CTNNA2: variants seen among roughly 807,000 people sequenced by gnomAD.
CTNNA2 encodes catenin alpha-2.
In CTNNA2, 42 loss-of-function variants were observed where a neutral mutation model predicts 101.0. That is an observed-to-expected ratio of 0.42 (90% confidence interval 0.32 to 0.54). The LOEUF (loss-of-function observed/expected upper bound fraction) is 0.54, where lower values mean the gene tolerates loss of function less well. Among genes scored for constraint, CTNNA2 ranks in the 20% least tolerant of loss-of-function variants. The pLI is 0.14. For missense variants in CTNNA2, 871 were observed against 1,223.1 expected, an observed-to-expected ratio of 0.71 and a Z score of 4.29; for synonymous variants, 450 against 456.4, an observed-to-expected ratio of 0.99 and a Z score of 0.18.
chr2:80,146,075 C>G (rs1036481510), intron 7 of CTNNA2, among the ~76,000 whole-genome samples: 1 of 152,138 alleles, frequency 6.6e-6, no homozygotes, highest in Admixed American at 6.5e-5. Context: ...CTTGGAATAT[C>G]ATTGCAATGC....
rs561168474 is a variant in CTNNA2, at chr2:80,128,497, A to G, written c.1056+218700A>G. On this transcript the variant is annotated intron_variant, in intron 7 of 18. Transcript: ENST00000402739. ...AATAACATCTGCCCCTCTGCCACGC[A>G]TGGGTGTTTTCAAAGCAACGTAAGT... Among the ~76,000 whole-genome samples, 5 of 152,264 alleles carry G rather than the reference A, an allele frequency of 3.3e-5. No homozygotes were observed. In the South Asian group the frequency reaches 1.0e-3, roughly 32 times the overall value.
At chr2:79,754,700 C>G (rs1056945761) in intron 3 of CTNNA2, among the ~76,000 whole-genome samples, 1 of 152,082 alleles carries the variant, frequency 6.6e-6, no homozygotes, top group African/African-American at 2.4e-5. Flanking sequence ...ACTTGAGTCT[C>G]CTAGGATATT....
chr2:80,337,212 G>A (rs538818352), intron 7 of CTNNA2, among the ~76,000 whole-genome samples: 3 of 151,948 alleles, frequency 2.0e-5, no homozygotes, highest in East Asian at 1.9e-4. Context: ...AACATTAGCC[G>A]GGTGTGGTGG....
At chr2:79,885,154 A>G (rs2104154065) in intron 6 of CTNNA2, among the ~76,000 whole-genome samples, 1 of 152,130 alleles carries the variant, frequency 6.6e-6, no homozygotes, top group African/African-American at 2.4e-5. Context: ...ACAACCCAAG[A>G]TTAGTATTTG....
Position 80,193,098 on chromosome 2 carries a change from T to C in CTNNA2, c.1057-200113T>C, listed in dbSNP as rs545020125. On this transcript the variant is annotated intron_variant, in intron 7 of 18. Coordinates refer to ENST00000402739, the MANE Select transcript of CTNNA2 (RefSeq NM_001282597.3). ...TTGTTTTGTTTATATGCTTTCATAT[T>C]CATAAAATGAGCAGATTTTTAAAAA... 2.6e-5 allele frequency among the ~76,000 whole-genome samples: 4 copies of C among 152,350 alleles called. No individual in the cohort carries two copies. The South Asian group carries it at 6.2e-4, about 24-fold the overall frequency.
At chr2:80,052,125 T>C (rs755904415) in intron 7 of CTNNA2, among the ~76,000 whole-genome samples, 2 of 152,198 alleles carry the variant, frequency 1.3e-5, no homozygotes, top group African/African-American at 2.4e-5. Context: ...GTTTGACTTG[T>C]TTGGGACTTT....
At chr2:79,728,452 T>C (rs1480416875) in intron 2 of CTNNA2, among the ~76,000 whole-genome samples, 1 of 152,194 alleles carries the variant, frequency 6.6e-6, no homozygotes, top group African/African-American at 2.4e-5. Context: ...TAAATTTGAG[T>C]TCATTGTAGA....
intron 12 of CTNNA2, among the ~76,000 whole-genome samples, chr2:80,567,017 G>A (rs1214205331): frequency 6.6e-6 from 1 of 152,112 alleles, no homozygotes; most frequent in Non-Finnish European, 1.5e-5. Context: ...TGAGATTCCA[G>A]CCATCCTCGT....
intron 1 of CTNNA2, among the ~76,000 whole-genome samples, chr2:79,523,016 T>C (rs1672203665): frequency 6.6e-6 from 1 of 152,192 alleles, no homozygotes. Context: ...CCCGTGAGTA[T>C]ATCTGAGTTA....
At chr2:79,753,067 GAT>G (rs1672152172) in intron 3 of CTNNA2, among the ~76,000 whole-genome samples, 1 of 152,168 alleles carries the variant, frequency 6.6e-6, no homozygotes, top group African/African-American at 2.4e-5. Context: ...ATGGATAGCT[GAT>G]ACTTGACCAC....
chr2:79,304,470 G>A lies in CTNNA2; in HGVS notation c.-405-8239G>A, dbSNP rs549814103. 7.3e-5 allele frequency among the ~76,000 whole-genome samples: 11 copies of A among 151,474 alleles called. No homozygotes were observed. The East Asian group carries it at 2.2e-3, about 30-fold the overall frequency. ...TTACATTAAGGGATTGAATTTCCAA[G>A]GCTCACCCAGGTGAGGCAGACTAAT... On this transcript the variant is annotated intron_variant, in intron 2 of 21. Coordinates refer to the CTNNA2 transcript ENST00000466387.
intron 2 of CTNNA2, among the ~76,000 whole-genome samples, chr2:79,214,841 T>C (rs957066870): frequency 6.6e-6 from 1 of 151,518 alleles, no homozygotes; most frequent in Non-Finnish European, 1.5e-5. Flanking sequence ...ATAAAAGTAT[T>C]GTCTAAGTTG....
At chr2:79,710,604 A>G (rs1384836193) in intron 2 of CTNNA2, among the ~76,000 whole-genome samples, 1 of 152,190 alleles carries the variant, frequency 6.6e-6, no homozygotes, top group East Asian at 1.9e-4. Context: ...TATTACCTCA[A>G]TTCTTTTTAA....
chr2:80,327,150 A>G (rs1037974720), intron 7 of CTNNA2, among the ~76,000 whole-genome samples: 3 of 152,244 alleles, frequency 2.0e-5, no homozygotes, highest in African/African-American at 7.2e-5. Flanking sequence ...GGCAGCTGTA[A>G]GAAATCAACA....
chr2:80,611,006 G>GT (rs3836002), intron 17 of CTNNA2, among the ~76,000 whole-genome samples: 240 of 146,580 alleles, frequency 1.6e-3, no homozygotes, highest in East Asian at 3.0e-3. Context: ...TGGCAATTAG[G>GT]TTTTTTTTTT....
intron 2 of CTNNA2, among the ~76,000 whole-genome samples, chr2:79,689,113 G>C (rs1684123027): frequency 6.6e-6 from 1 of 151,610 alleles, no homozygotes; most frequent in South Asian, 2.1e-4. Flanking sequence ...TGTTCATCTA[G>C]TATCTCCAAA....
chr2:79,998,722 TTG>T (rs1275709203), intron 7 of CTNNA2, among the ~76,000 whole-genome samples: 1 of 152,218 alleles, frequency 6.6e-6, no homozygotes, highest in Non-Finnish European at 1.5e-5. Context: ...CTTTTCATCA[TTG>T]CCTAACCCCT....
intron 7 of CTNNA2, among the ~76,000 whole-genome samples, chr2:80,277,836 C>T (rs748330300): frequency 6.6e-6 from 1 of 152,142 alleles, no homozygotes; most frequent in South Asian, 2.1e-4. Flanking sequence ...CTGGTAATTT[C>T]TCCTCAGAGC....
intron 7 of CTNNA2, among the ~76,000 whole-genome samples, chr2:80,031,741 TA>T (rs1333373723): frequency 3.9e-5 from 6 of 152,234 alleles, no homozygotes; most frequent in Admixed American, 6.5e-5. Context: ...CATGAATTCC[TA>T]TATAATTCAA....
Sources: gnomAD v4.1 joint callset for allele counts (sites outside exome capture counted in the v4.1 genomes callset) on GRCh38, gnomAD v4.1.1 for gene constraint, MANE v1.5 for transcripts, NCBI Gene and HGNC (gene_info 2026-07-23, HGNC 2026-07-21) for gene names.